Variants in ACOT7 observed in about 807,000 individuals in gnomAD.
ACOT7 encodes cytosolic acyl coenzyme A thioester hydrolase.
Under a neutral mutation model 40.2 loss-of-function variants are expected in ACOT7, and 12 were observed. The ratio of observed to expected loss-of-function variants is 0.30; its 90% CI spans 0.19 to 0.48. The LOEUF (loss-of-function observed/expected upper bound fraction) is 0.48. Among genes scored for constraint, ACOT7 ranks in the 20% least tolerant of loss-of-function variants. The probability of loss-of-function intolerance (pLI) is 0.99; values close to 1 mark genes in which losing one functional copy is unlikely to be tolerated. For synonymous variants in ACOT7, 228 were observed against 219.5 expected, an observed-to-expected ratio of 1.04 and a Z score of -0.34; for missense variants, 395 against 530.8, an observed-to-expected ratio of 0.74 and a Z score of 2.51.
chr1:6,264,922 G>A (rs1247934734), intron 8 of ACOT7, among the ~76,000 whole-genome samples: 2 of 152,222 alleles, frequency 1.3e-5, no homozygotes, highest in Non-Finnish European at 2.9e-5. Context: ...GGCTGGGTAT[G>A]TTCAGCCAAG....
intron 6 of ACOT7, among the ~76,000 whole-genome samples, chr1:6,303,050 T>C (rs1415397502): frequency 1.3e-5 from 2 of 152,216 alleles, no homozygotes. Flanking sequence ...CTTCTGACGC[T>C]GGAAGCCACT....
intron 7 of ACOT7, among the ~76,000 whole-genome samples, chr1:6,287,452 TC>T (rs1639535792): frequency 6.6e-6 from 1 of 152,256 alleles, no homozygotes; most frequent in African/African-American, 2.4e-5. Flanking sequence ...AGTCCCTGTC[TC>T]ACTGGGCTGT....
chr1:6,368,971 A>G (rs1467896063), intron 1 of ACOT7, among the ~76,000 whole-genome samples: 2 of 152,180 alleles, frequency 1.3e-5, no homozygotes, highest in Admixed American at 1.3e-4. Context: ...CCCCAAGACT[A>G]CATTCCATCT....
chr1:6,357,422 C>T (rs548629913), intron 1 of ACOT7, among the ~76,000 whole-genome samples: 150 of 152,222 alleles, frequency 9.9e-4, no homozygotes, highest in African/African-American at 3.6e-3. Flanking sequence ...GCAGGGCAGG[C>T]GGCTCATTAC....
chr1:6,338,149 A>G lies in ACOT7; in HGVS notation c.418+1284T>C, dbSNP rs1411411579. Among the ~76,000 whole-genome samples, 1 of 152,112 alleles carries G rather than the reference A, an allele frequency of 6.6e-6. No individual in the cohort carries two copies. Among genetic ancestry groups the G allele is most frequent in the African/African-American group, 2.4e-5 (1 of 41,438 alleles). On this transcript the variant is annotated intron_variant, in intron 3 of 8. Coordinates refer to ENST00000361521, the MANE Select transcript of ACOT7 (RefSeq NM_007274.4). This position sits in a 1 kb window ranked among gnomAD's most constrained non-coding sequence, Gnocchi z 4.4. Reference sequence around the variant, plus strand: ...ATTTTTGAAGCCACCAACTCCTGCAATGACAAAGGGCACTGCTGACTGGGC... The same window carrying G: ...ATTTTTGAAGCCACCAACTCCTGCAGTGACAAAGGGCACTGCTGACTGGGC...
chr1:6,387,936 T>TTTTG (rs1553163268), intron 1 of ACOT7, among the ~76,000 whole-genome samples: 29 of 148,416 alleles, frequency 2.0e-4, no homozygotes, highest in African/African-American at 6.9e-4. Flanking sequence ...GGTTCTTTGT[T>TTTTG]TTTTTTTTTT....
intron 6 of ACOT7, 181 bp from the exon 7 acceptor site, chr1:6,295,161 C>G: frequency 2.1e-6 from 1 of 484,290 alleles, no homozygotes; most frequent in Non-Finnish European, 3.7e-6. Flanking sequence ...ATGGGGCTTC[C>G]TCAGGAGATT....
chr1:6,344,368 C>T (rs1641360147), intron 2 of ACOT7, among the ~76,000 whole-genome samples: 2 of 152,214 alleles, frequency 1.3e-5, no homozygotes, highest in Non-Finnish European at 2.9e-5. Context: ...GCCTTCCCCA[C>T]AGTGCCACGG....
chr1:6,264,962 T>G (rs112755158), intron 8 of ACOT7, among the ~76,000 whole-genome samples: 4,216 of 152,198 alleles, frequency 0.028, 96 homozygotes, highest in African/African-American at 0.053. Context: ...GAGCCACAGG[T>G]GGCAGAGCTC....
At position 6,288,252 on chromosome 1, in the gene ACOT7, C is replaced by T. The variant is rs1180521030; in HGVS notation, c.829+6612G>A. On this transcript the variant is annotated intron_variant, in intron 7 of 8. Transcript: ENST00000361521. This position sits in a 1 kb window ranked among gnomAD's most constrained non-coding sequence, Gnocchi z 4.3. ...GTGGCCCTCGCGTCCCCAGCACCAA[C>T]TCCGTTGCTGGCCTGGGAACTCCAC... is the stretch of plus-strand genomic sequence containing the variant. 6.6e-6 allele frequency among the ~76,000 whole-genome samples: 1 copy of T among 152,244 alleles called. No homozygotes were observed. Among genetic ancestry groups the T allele is most frequent in the East Asian group, 1.9e-4 (1 of 5,198 alleles).
Position 6,339,728 on chromosome 1 carries a change from T to C in ACOT7, c.262-139A>G, listed in dbSNP as rs945045796. The C allele has an allele frequency of 5.3e-6, 5 of 942,438 alleles. No homozygotes were observed. The African/African-American group carries it at 7.1e-5, about 13-fold the overall frequency. 58.4% of individuals were successfully genotyped at this position (942,438 alleles called of 1,614,324 possible). A position where few individuals can be genotyped will look rare whatever the true frequency, so the allele number is the denominator to read the frequency against. On this transcript the variant is annotated intron_variant, in intron 2 of 8. Coordinates refer to ENST00000361521, the MANE Select transcript of ACOT7 (RefSeq NM_007274.4). ...AAAGCAACCAATGTATCACCATTTA[T>C]TGGCACCGCGGTTTTTTTTTTTTTT...
rs933448433 is a variant in ACOT7 at position 6,289,276 on chromosome 1, T to C, written c.829+5588A>G. Among the ~76,000 whole-genome samples, 3 of 152,116 alleles carry C rather than the reference T, an allele frequency of 2.0e-5. No individual in the cohort carries two copies. The highest frequency in any genetic ancestry group is 2.9e-5 in the Non-Finnish European group (2 of 68,018). Reference sequence around the variant, plus strand: ...CCCCACGCCCGGCTAATTTTTGTATTTTTAGTAGAGACGGGGTTTCACCAT... The same window carrying C: ...CCCCACGCCCGGCTAATTTTTGTATCTTTAGTAGAGACGGGGTTTCACCAT... On this transcript the variant is annotated intron_variant, in intron 7 of 8. Coordinates refer to ENST00000361521, the MANE Select transcript of ACOT7 (RefSeq NM_007274.4). The surrounding 1 kb of genome is among the most constrained non-coding windows in gnomAD (Gnocchi z 4.6).
chr1:6,293,365 C>T (rs1639726334), intron 7 of ACOT7, among the ~76,000 whole-genome samples: 1 of 152,148 alleles, frequency 6.6e-6, no homozygotes, highest in Admixed American at 6.6e-5. Context: ...GAATATGATG[C>T]CACAGATTCT....
At chr1:6,277,784 C>G (rs1221512310) in intron 8 of ACOT7, among the ~76,000 whole-genome samples, 1 of 152,230 alleles carries the variant, frequency 6.6e-6, no homozygotes, top group Non-Finnish European at 1.5e-5. Flanking sequence ...CTTCGTGACC[C>G]TGGACACCAT....
intron 5 of ACOT7, among the ~76,000 whole-genome samples, chr1:6,321,675 C>T (rs972202475): frequency 3.2e-4 from 48 of 152,290 alleles, no homozygotes; most frequent in Admixed American, 1.6e-3. Context: ...CCACTGCGCC[C>T]GGCTAATTTT....
chr1:6,283,791 C>T (rs1639422601), intron 7 of ACOT7, among the ~76,000 whole-genome samples: 1 of 152,162 alleles, frequency 6.6e-6, no homozygotes, highest in Non-Finnish European at 1.5e-5. Context: ...CTAAACAAGA[C>T]ACAGGCTATA....
At chr1:6,367,497 G>C (rs796426426) in intron 1 of ACOT7, among the ~76,000 whole-genome samples, 1 of 152,192 alleles carries the variant, frequency 6.6e-6, no homozygotes, top group East Asian at 1.9e-4. Context: ...CATGGAGTAC[G>C]GCCACTGCAC....
intron 1 of ACOT7, among the ~76,000 whole-genome samples, chr1:6,353,070 G>A (rs1454557269): frequency 6.6e-6 from 1 of 152,004 alleles, no homozygotes; most frequent in African/African-American, 2.4e-5. Flanking sequence ...CTAGAGACAG[G>A]GTTTTGCCAT....
At chr1:6,320,945 C>T (rs1215623124) in intron 5 of ACOT7, among the ~76,000 whole-genome samples, 1 of 152,214 alleles carries the variant, frequency 6.6e-6, no homozygotes, top group Admixed American at 6.5e-5. Flanking sequence ...CCTACACTTG[C>T]ACCCTTTATA....
Sources: gnomAD v4.1 joint callset for allele counts (sites outside exome capture counted in the v4.1 genomes callset) on GRCh38, gnomAD v4.1.1 for gene constraint, Gnocchi (gnomAD v3.1) non-coding constraint, MANE v1.5 for transcripts, NCBI Gene and HGNC (gene_info 2026-07-23, HGNC 2026-07-21) for gene names.